Variants in PSD3 observed in about 807,000 individuals in gnomAD.
The protein encoded by PSD3 is pleckstrin and Sec7 domain containing 3, also known as PH and SEC7 domain-containing protein 3.
In PSD3, 49 loss-of-function variants were observed where a neutral mutation model predicts 105.5. The observed-to-expected ratio is 0.46, with a 90% confidence interval of 0.37 to 0.59. PSD3 has a LOEUF of 0.59. PSD3 is among the 20% of genes least tolerant of loss of function. The pLI is 0.00. For missense variants in PSD3, 1,561 were observed against 1,263.8 expected, an observed-to-expected ratio of 1.24 and a Z score of -3.57; for synonymous variants, 557 against 457.8, an observed-to-expected ratio of 1.22 and a Z score of -2.77.
At chr8:18,646,348 T>C (rs954717454) in intron 10 of PSD3, among the ~76,000 whole-genome samples, 1 of 152,116 alleles carries the variant, frequency 6.6e-6, no homozygotes, top group African/African-American at 2.4e-5. Flanking sequence ...CTATATTCAC[T>C]AGGGATTAAG....
chr8:19,080,955 G>T (rs753697612), intron 1 of PSD3, among the ~76,000 whole-genome samples: 1 of 152,096 alleles, frequency 6.6e-6, no homozygotes. Flanking sequence ...GTCCCGAAAC[G>T]ATGATAGAGA....
intron 9 of PSD3, among the ~76,000 whole-genome samples, chr8:18,690,906 G>A (rs1800939284): frequency 6.6e-6 from 1 of 152,132 alleles, no homozygotes; most frequent in Admixed American, 6.5e-5. Context: ...GTTTTTTCTA[G>A]CAGTGGGGCT....
chr8:18,899,241 G>C (rs1819343659), intron 2 of PSD3, among the ~76,000 whole-genome samples: 1 of 152,068 alleles, frequency 6.6e-6, no homozygotes, highest in Non-Finnish European at 1.5e-5. Flanking sequence ...GAATTTCTCT[G>C]ATATCTACAT....
chr8:18,942,578 A>G (rs1822616577), intron 1 of PSD3, among the ~76,000 whole-genome samples: 1 of 152,218 alleles, frequency 6.6e-6, no homozygotes, highest in Non-Finnish European at 1.5e-5. Flanking sequence ...ATTAGGTTAA[A>G]ATGAAATCAG....
intron 1 of PSD3, chr8:18,989,447 A>G (rs568086292): frequency 1.3e-5 from 2 of 152,360 alleles, no homozygotes; most frequent in Non-Finnish European, 2.9e-5. Flanking sequence ...TATTTTTAAC[A>G]TGTAGAAGAG....
chr8:18,924,281 G>C (rs531758702), intron 2 of PSD3, among the ~76,000 whole-genome samples: 6 of 152,284 alleles, frequency 3.9e-5, no homozygotes, highest in African/African-American at 1.4e-4. Flanking sequence ...TAAAATAATG[G>C]AGAACATATG....
intron 11 of PSD3, among the ~76,000 whole-genome samples, chr8:18,626,050 T>A (rs1806450013): frequency 6.6e-6 from 1 of 152,258 alleles, no homozygotes; most frequent in South Asian, 2.1e-4. Context: ...TTTTCCAAAT[T>A]TGACTTTTCA....
intron 4 of PSD3, among the ~76,000 whole-genome samples, chr8:18,850,771 C>CTCT (rs937841569): frequency 2.6e-5 from 4 of 152,316 alleles, no homozygotes; most frequent in African/African-American, 9.6e-5. Flanking sequence ...GAGGACGCGA[C>CTCT]TCTTCCCAAG....
intron 10 of PSD3, among the ~76,000 whole-genome samples, chr8:18,633,623 G>A (rs901256086): frequency 6.6e-5 from 10 of 151,994 alleles, no homozygotes; most frequent in African/African-American, 2.2e-4. Flanking sequence ...AGTATTCCAC[G>A]GTGTGTATGT....
chr8:18,946,064 T>C (rs1169314199), intron 1 of PSD3, among the ~76,000 whole-genome samples: 4 of 152,234 alleles, frequency 2.6e-5, no homozygotes, highest in Non-Finnish European at 5.9e-5. Context: ...AATGAGATAA[T>C]CACAAGACTA....
chr8:18,742,096 T>C (rs1400977228), intron 9 of PSD3, among the ~76,000 whole-genome samples: 2 of 152,206 alleles, frequency 1.3e-5, no homozygotes, highest in Non-Finnish European at 2.9e-5. Context: ...TTAAAAGGAC[T>C]ATAATAGGGA....
chr8:18,894,121 G>A (rs1818990787), intron 2 of PSD3, among the ~76,000 whole-genome samples: 1 of 152,152 alleles, frequency 6.6e-6, no homozygotes, highest in African/African-American at 2.4e-5. Flanking sequence ...ACCAGTGCTG[G>A]GAACCAGCCT....
At chr8:18,549,549 C>A (rs909241073) in intron 15 of PSD3, among the ~76,000 whole-genome samples, 4 of 152,196 alleles carry the variant, frequency 2.6e-5, no homozygotes, top group Admixed American at 1.3e-4. Context: ...GCTAAAACTT[C>A]TCCACTGGAC....
At chr8:18,809,387 A>C (rs1323167536) in intron 4 of PSD3, among the ~76,000 whole-genome samples, 1 of 152,140 alleles carries the variant, frequency 6.6e-6, no homozygotes, top group African/African-American at 2.4e-5. Context: ...TCTCTCATCA[A>C]AACACTGCAT....
At chr8:18,840,774 G>C (rs943687848) in intron 4 of PSD3, among the ~76,000 whole-genome samples, 11 of 152,180 alleles carry the variant, frequency 7.2e-5, no homozygotes, top group Admixed American at 7.2e-4. Flanking sequence ...GTGTGGGACA[G>C]CAGATTCACA....
intron 10 of PSD3, among the ~76,000 whole-genome samples, chr8:18,649,283 G>A (rs1255790674): frequency 1.3e-5 from 2 of 152,220 alleles, no homozygotes; most frequent in Non-Finnish European, 2.9e-5. Flanking sequence ...CCAAGGCCTT[G>A]GGAGCCCACT....
chr8:18,632,477 G>C, intron 11 of PSD3, 136 bp downstream of exon 11: 1 of 919,230 alleles, frequency 1.1e-6, no homozygotes, highest in Non-Finnish European at 1.6e-6. Context: ...TAGGGTTAGA[G>C]GCTTTATCCA....
chr8:18,541,678 T>A (rs1034642777), intron 15 of PSD3, among the ~76,000 whole-genome samples: 2 of 152,036 alleles, frequency 1.3e-5, no homozygotes, highest in Non-Finnish European at 2.9e-5. Flanking sequence ...GGGCTTTTTC[T>A]CTCTCTTTAG....
chr8:18,652,547 G>C (rs1437581311), intron 10 of PSD3, among the ~76,000 whole-genome samples: 1 of 141,230 alleles, frequency 7.1e-6, no homozygotes, highest in Non-Finnish European at 1.5e-5. Flanking sequence ...ACCCAGGCTG[G>C]GGTATAGTGG....
Sources: allele counts gnomAD v4.1 joint callset (sites outside exome capture counted in the v4.1 genomes callset), GRCh38; gene constraint gnomAD v4.1.1; transcripts MANE v1.5; gene names NCBI Gene and HGNC (gene_info 2026-07-23, HGNC 2026-07-21).